Variants in SLMAP observed in about 807,000 individuals in gnomAD.
SLMAP encodes sarcolemmal membrane-associated protein.
A neutral mutation model predicts 128.8 loss-of-function variants in SLMAP; 44 were observed. The observed-to-expected ratio is 0.34, with a 90% CI of 0.27 to 0.44. The LOEUF is 0.44. Ranked by LOEUF, SLMAP falls within the 20% of genes least tolerant of loss-of-function variation. The pLI, the probability that SLMAP is intolerant of heterozygous loss-of-function variation, is 1.00. For missense variants in SLMAP, 787 were observed against 985.3 expected (o/e 0.80, Z 2.69); for synonymous variants, 327 against 348.8 (o/e 0.94, Z 0.70).
intron 5 of SLMAP, 144 bp from the exon 6 acceptor site, chr3:57,849,610 G>A (rs900948833): frequency 3.1e-5 from 17 of 548,064 alleles, no homozygotes; most frequent in Non-Finnish European, 4.9e-5. Flanking sequence ...AATTTAAAAG[G>A]CTATATTGCC....
chr3:57,757,920 A>G, intron 2 of SLMAP, 71 bp downstream of exon 2: 2 of 1,333,354 alleles, frequency 1.5e-6, no homozygotes, highest in South Asian at 1.2e-5. Flanking sequence ...CCCTGAGAGG[A>G]CTAATGTATG....
Position 57,909,112 on chromosome 3 carries a change from A to C in SLMAP, c.1661A>C (p.Gln554Pro). Reference sequence around the variant, plus strand: ...GAAGAAAGAAAAGCCTATCGAAATCAAGTTGAGGAATCCACTAAACAAATA... The same window carrying C: ...GAAGAAAGAAAAGCCTATCGAAATCCAGTTGAGGAATCCACTAAACAAATA... Reference protein sequence around the residue: ...LEEERKAYRNQVEESTKQIQV... With the variant: ...LEEERKAYRNPVEESTKQIQV... Residue 554 changes from glutamine (Q) to proline (P), a missense_variant, in exon 19 of 25, where the codon CAA becomes CCA. Gln to Pro is a moderately conservative substitution (Grantham distance 76). Coordinates refer to ENST00000671191, the MANE Select transcript of SLMAP (RefSeq NM_001377540.1). 1 of 1,612,084 alleles carries C rather than the reference A, an allele frequency of 6.2e-7. No homozygotes were observed. The highest frequency in any genetic ancestry group is 8.5e-7 in the Non-Finnish European group (1 of 1,178,748).
intron 2 of SLMAP, among the ~76,000 whole-genome samples, chr3:57,807,184 A>G (rs546584397): frequency 3.9e-5 from 6 of 152,270 alleles, no homozygotes; most frequent in Admixed American, 3.9e-4. Context: ...GTGTCTGTTC[A>G]TATCCTTTGC....
intron 2 of SLMAP, among the ~76,000 whole-genome samples, chr3:57,766,028 T>C (rs1194388121): frequency 4.0e-5 from 6 of 150,512 alleles, no homozygotes; most frequent in Non-Finnish European, 8.9e-5. Context: ...AGACGGAGTC[T>C]TGCTCTGTTG....
At chr3:57,771,818 C>A (rs1445142593) in intron 2 of SLMAP, among the ~76,000 whole-genome samples, 1 of 152,146 alleles carries the variant, frequency 6.6e-6, no homozygotes, top group Non-Finnish European at 1.5e-5. Flanking sequence ...TTAAAGAAAT[C>A]ATCTGTTGAT....
chr3:57,841,238 G>A, intron 3 of SLMAP, 61 bp from the exon 4 acceptor site: 1 of 949,856 alleles, frequency 1.1e-6, no homozygotes, highest in Non-Finnish European at 1.6e-6. Context: ...CATATGAGAG[G>A]TGTGAAGTTT....
intron 19 of SLMAP, among the ~76,000 whole-genome samples, chr3:57,909,661 G>A (rs541925515): frequency 6.6e-6 from 1 of 151,980 alleles, no homozygotes; most frequent in African/African-American, 2.4e-5. Flanking sequence ...TGCCCAGGCT[G>A]GAGTACAATG....
intron 24 of SLMAP, among the ~76,000 whole-genome samples, chr3:57,926,888 G>C (rs1479188371): frequency 6.6e-6 from 1 of 152,190 alleles, no homozygotes; most frequent in Non-Finnish European, 1.5e-5. Context: ...CCCAACATGT[G>C]AGTCTGGTTC....
rs188047411 is a variant in SLMAP at position 57,834,234 on chromosome 3, G to A, written c.346+2704G>A. On this transcript the variant is annotated intron_variant, in intron 3 of 24. Transcript: ENST00000671191. ...ACGAATAAGTAAAAGAATCTGAAAA[G>A]GAGAAATAAAAGCAGAAATTAATGA... Among the ~76,000 whole-genome samples the A allele has an allele frequency of 2.2e-4, 33 of 152,154 alleles. No individual in the cohort carries two copies. The Middle Eastern group carries it at 0.024, about 111-fold the overall frequency.
rs373289048 is a variant in SLMAP at position 57,786,834 on chromosome 3, C to T, written c.198+28985C>T. The stretch of plus-strand genomic sequence containing the variant: ...CTGCAAGCTCCGCCTCCCAGGTTCA[C>T]GCCATTCTCCTGCCTCAGCCTCCCG... On this transcript the variant is annotated intron_variant, in intron 2 of 24. Transcript: ENST00000671191. 1.4e-3 allele frequency among the ~76,000 whole-genome samples: 207 copies of T among 151,146 alleles called. 1 individual carries two copies. Among genetic ancestry groups the T allele is most frequent in the African/African-American group, 4.3e-3 (176 of 41,142 alleles).
In SLMAP at chr3:57,917,028, A is replaced by G. The variant is rs1260164443; in HGVS notation, c.2261A>G (p.Lys754Arg). 6.2e-7 allele frequency: 1 copy of G among 1,613,930 alleles called. No homozygotes were observed. Among genetic ancestry groups the G allele is most frequent in the Non-Finnish European group, 8.5e-7 (1 of 1,179,888 alleles). ...EQHLRDSADL[K>R]TLLSKAENQA... ...CATCTTCGGGATTCAGCTGATTTAAAAACTCTTCTCAGTAAGGCAGAAAAC... is the reference window on the plus strand; with the variant it reads ...CATCTTCGGGATTCAGCTGATTTAAGAACTCTTCTCAGTAAGGCAGAAAAC... Residue 754 changes from lysine to arginine, a missense_variant, in exon 22 of 25, where the codon AAA (lysine) becomes AGA (arginine). Lys to Arg is a conservative substitution (Grantham distance 26). Transcript: ENST00000671191.
intron 22 of SLMAP, among the ~76,000 whole-genome samples, chr3:57,921,141 G>T (rs1007631022): frequency 6.6e-6 from 1 of 152,164 alleles, no homozygotes; most frequent in Non-Finnish European, 1.5e-5. Context: ...GTATCTAGAA[G>T]TGGAACCAGT....
intron 13 of SLMAP, among the ~76,000 whole-genome samples, chr3:57,869,653 T>TATATATA (rs1163284694): frequency 7.4e-6 from 1 of 135,188 alleles, no homozygotes; most frequent in Non-Finnish European, 1.6e-5. Flanking sequence ...TATATATATA[T>TATATATA]ATATATAATA....
chr3:57,862,149 A>G lies in SLMAP; in HGVS notation c.966+63A>G. ...TAATCCCTAACACACTAGATAGCTT[A>G]AGATTTTAGGTATTGCTTTAGCTGG... On this transcript the variant is annotated intron_variant, in intron 10 of 24. Coordinates refer to ENST00000671191, the MANE Select transcript of SLMAP (RefSeq NM_001377540.1). The G allele has an allele frequency of 2.2e-6, 3 of 1,360,950 alleles. No homozygotes were observed. In the East Asian group the frequency reaches 7.1e-5, roughly 32 times the overall value. 84.3% of individuals were successfully genotyped at this position (1,360,950 alleles called of 1,614,324 possible). A position where few individuals can be genotyped will look rare whatever the true frequency, so the allele number is the denominator to read the frequency against.
chr3:57,828,166 C>T (rs2093058954), intron 2 of SLMAP, among the ~76,000 whole-genome samples: 1 of 152,134 alleles, frequency 6.6e-6, no homozygotes, highest in Non-Finnish European at 1.5e-5. Flanking sequence ...ACCATGTTGG[C>T]CAGGGTGGTC....
chr3:57,787,261 C>T (rs1286663649), intron 2 of SLMAP, among the ~76,000 whole-genome samples: 1 of 152,106 alleles, frequency 6.6e-6, no homozygotes. Context: ...TTTTGAATAA[C>T]TCTGACATCG....
At chr3:57,879,144 C>T (rs2095668355) in intron 14 of SLMAP, among the ~76,000 whole-genome samples, 1 of 152,192 alleles carries the variant, frequency 6.6e-6, no homozygotes, top group Non-Finnish European at 1.5e-5. Context: ...AGGCATGAGC[C>T]ACCATATTCA....
intron 2 of SLMAP, among the ~76,000 whole-genome samples, chr3:57,812,893 TG>T (rs1022434088): frequency 6.6e-6 from 1 of 152,040 alleles, no homozygotes; most frequent in African/African-American, 2.4e-5. Flanking sequence ...AAAATGAGAT[TG>T]TTTTTATAAT....
At chr3:57,827,778 ACTC>A (rs2093028084) in intron 2 of SLMAP, among the ~76,000 whole-genome samples, 1 of 152,132 alleles carries the variant, frequency 6.6e-6, no homozygotes, top group Non-Finnish European at 1.5e-5. Flanking sequence ...TGTGGTCAAA[ACTC>A]CTTTTAAGAG....
Sources: gnomAD v4.1 joint callset for allele counts (sites outside exome capture counted in the v4.1 genomes callset) on GRCh38, gnomAD v4.1.1 for gene constraint, MANE v1.5 for transcripts, NCBI Gene and HGNC (gene_info 2026-07-23, HGNC 2026-07-21) for gene names.